Variants in CHRM3 observed in about 807,000 individuals in gnomAD.
CHRM3 encodes the protein muscarinic acetylcholine receptor M3.
A neutral mutation model predicts 41.8 loss-of-function variants in CHRM3; 11 were observed. The ratio of observed to expected loss-of-function variants is 0.26; its 90% CI spans 0.17 to 0.44. The LOEUF is 0.44. CHRM3 is among the 20% of genes least tolerant of loss of function. The probability of loss-of-function intolerance (pLI) is 1.00; values close to 1 mark genes in which losing one functional copy is unlikely to be tolerated. For missense variants in CHRM3, 571 were observed against 745.4 expected, an observed-to-expected ratio of 0.77 and a Z score of 2.72; for synonymous variants, 297 against 301.4, an observed-to-expected ratio of 0.99 and a Z score of 0.15.
At chr1:239,818,956 A>T (rs1162276233) in intron 5 of CHRM3, among the ~76,000 whole-genome samples, 7 of 152,150 alleles carry the variant, frequency 4.6e-5, no homozygotes, top group Non-Finnish European at 8.8e-5. Context: ...CCCATTTCCA[A>T]GTTCAGTTTG....
intron 3 of CHRM3, among the ~76,000 whole-genome samples, chr1:239,598,244 C>T (rs1356773002): frequency 2.6e-5 from 4 of 151,988 alleles, no homozygotes; most frequent in Non-Finnish European, 4.4e-5. Flanking sequence ...GTTTAGATTT[C>T]GCTGCCAGTC....
At chr1:239,397,704 TA>T (rs397983449) in intron 1 of CHRM3, among the ~76,000 whole-genome samples, 2 of 147,546 alleles carry the variant, frequency 1.4e-5, no homozygotes, top group South Asian at 4.2e-4. Context: ...TATATATATA[TA>T]TTTCTATAAA....
chr1:239,453,952 C>T (rs1034959003), intron 1 of CHRM3, among the ~76,000 whole-genome samples: 3 of 152,088 alleles, frequency 2.0e-5, no homozygotes, highest in African/African-American at 7.2e-5. Context: ...AAAGTCTTAG[C>T]CAGGTTGATG....
chr1:239,570,795 G>A (rs1200735879), intron 3 of CHRM3, among the ~76,000 whole-genome samples: 2 of 152,078 alleles, frequency 1.3e-5, no homozygotes, highest in South Asian at 2.1e-4. Flanking sequence ...AGAGGTCACC[G>A]TAGTTCATGG....
At chr1:239,856,467 T>C (rs1022950883) in intron 6 of CHRM3, among the ~76,000 whole-genome samples, 7 of 152,130 alleles carry the variant, frequency 4.6e-5, no homozygotes, top group African/African-American at 1.7e-4. Context: ...TGTGAATATG[T>C]GTTTGCTTCC....
rs553509280 is a variant in CHRM3 at position 239,642,828 on chromosome 1, G to A, written c.-250+10542G>A. The stretch of plus-strand genomic sequence containing the variant: ...TGGTGAGGAGCTGCGTTCCTTTGGA[G>A]GAGGAGAGGCGCTCTGTTTTTAGAG... On this transcript the variant is annotated intron_variant, in intron 4 of 6. Coordinates refer to ENST00000676153, the MANE Select transcript of CHRM3 (RefSeq NM_001375978.1). Among the ~76,000 whole-genome samples, 48 of 152,328 alleles carry A rather than the reference G, an allele frequency of 3.2e-4. No individual in the cohort carries two copies. The South Asian group carries it at 9.5e-3, about 30-fold the overall frequency.
chr1:239,828,807 A>C (rs1672669983), intron 6 of CHRM3, among the ~76,000 whole-genome samples: 1 of 152,182 alleles, frequency 6.6e-6, no homozygotes, highest in South Asian at 2.1e-4. Context: ...GATCTGAGTT[A>C]GGTTTTGGAA....
chr1:239,525,793 G>A (rs1292217107), intron 2 of CHRM3, among the ~76,000 whole-genome samples: 1 of 152,176 alleles, frequency 6.6e-6, no homozygotes, highest in Non-Finnish European at 1.5e-5. Flanking sequence ...TTTGGAACAA[G>A]GGCATGTAGG....
intron 1 of CHRM3, among the ~76,000 whole-genome samples, chr1:239,415,429 G>A (rs969200235): frequency 2.0e-5 from 3 of 152,128 alleles, no homozygotes; most frequent in Non-Finnish European, 2.9e-5. Flanking sequence ...GACAGAGCAA[G>A]AATCTGTCTG....
At chr1:239,532,601 T>C (rs1657742655) in intron 2 of CHRM3, among the ~76,000 whole-genome samples, 1 of 142,358 alleles carries the variant, frequency 7.0e-6, no homozygotes, top group African/African-American at 2.6e-5. Context: ...CTCTGCCTGG[T>C]GACAGAGCAA....
intron 5 of CHRM3, among the ~76,000 whole-genome samples, chr1:239,786,696 G>A (rs973881655): frequency 9.9e-5 from 15 of 150,830 alleles, no homozygotes; most frequent in Non-Finnish European, 1.8e-4. Flanking sequence ...GCAGGGTGCC[G>A]AGGGCAGGCG....
chr1:239,878,847 T>C (rs1295666444), intron 6 of CHRM3, among the ~76,000 whole-genome samples: 2 of 152,126 alleles, frequency 1.3e-5, no homozygotes, highest in African/African-American at 4.8e-5. Flanking sequence ...ACTCTGTAAC[T>C]GCCTAGATGG....
chr1:239,411,864 G>A (rs544102121), intron 1 of CHRM3, among the ~76,000 whole-genome samples: 93 of 150,854 alleles, frequency 6.2e-4, no homozygotes, highest in South Asian at 1.5e-3. Flanking sequence ...CTCAGTGCAC[G>A]ATCCCCAATT....
At chr1:239,544,975 T>C (rs141117235) in intron 2 of CHRM3, among the ~76,000 whole-genome samples, 1 of 152,360 alleles carries the variant, frequency 6.6e-6, no homozygotes, top group Non-Finnish European at 1.5e-5. Context: ...CCCTGAGTCT[T>C]TAAATCTGTA....
chr1:239,480,113 C>T (rs190085643), intron 1 of CHRM3, among the ~76,000 whole-genome samples: 1 of 152,164 alleles, frequency 6.6e-6, no homozygotes, highest in Admixed American at 6.5e-5. Flanking sequence ...TAGAATTCTA[C>T]ATCTAGAAAA....
chr1:239,425,696 TC>T (rs905394658), intron 1 of CHRM3, among the ~76,000 whole-genome samples: 1 of 152,168 alleles, frequency 6.6e-6, no homozygotes, highest in Non-Finnish European at 1.5e-5. Context: ...GCAGGAAACT[TC>T]ACAAAACAGA....
intron 6 of CHRM3, among the ~76,000 whole-genome samples, chr1:239,890,425 A>C (rs1678456187): frequency 6.6e-6 from 1 of 152,056 alleles, no homozygotes; most frequent in Non-Finnish European, 1.5e-5. Flanking sequence ...TAGTACTGCT[A>C]CTTAACTAGT....
At chr1:239,543,691 G>A (rs576027590) in intron 2 of CHRM3, among the ~76,000 whole-genome samples, 343 of 151,966 alleles carry the variant, frequency 2.3e-3, no homozygotes, top group African/African-American at 7.8e-3. Flanking sequence ...TGTATTTTTG[G>A]TAGAGACGGG....
At chr1:239,433,520 G>A (rs1181642729) in intron 1 of CHRM3, among the ~76,000 whole-genome samples, 1 of 152,064 alleles carries the variant, frequency 6.6e-6, no homozygotes, top group Non-Finnish European at 1.5e-5. Context: ...ACATGAGTAA[G>A]CTCTTTAGTG....
Sources: allele counts gnomAD v4.1 joint callset (sites outside exome capture counted in the v4.1 genomes callset), GRCh38; gene constraint gnomAD v4.1.1; transcripts MANE v1.5; gene names NCBI Gene and HGNC (gene_info 2026-07-23, HGNC 2026-07-21).